The following PRELID2 variants were observed in gnomAD, a reference collection of about 807,000 sequenced individuals.
PRELID2 encodes the protein PRELI domain containing 2.
In PRELID2, 25 loss-of-function variants were observed where a neutral mutation model predicts 28.4. That is an observed-to-expected ratio of 0.88 (90% CI 0.64 to 1.23). The LOEUF is 1.23. Ranked by LOEUF, PRELID2 falls within the 50% of genes most tolerant of loss-of-function variation. The probability of loss-of-function intolerance (pLI) is 0.00; values close to 1 mark genes in which losing one functional copy is unlikely to be tolerated. For synonymous variants in PRELID2, 76 were observed against 71.6 expected, an observed-to-expected ratio of 1.06 and a Z score of -0.31; for missense variants, 201 against 214.4, an observed-to-expected ratio of 0.94 and a Z score of 0.39.
the PRELID2 span, among the ~76,000 whole-genome samples, chr5:145,392,689 G>A: frequency 1.3e-5 from 2 of 151,876 alleles, no homozygotes; most frequent in Non-Finnish European, 2.9e-5. Flanking sequence ...AAGAGAGAGG[G>A]AGGAGAGAGA....
the PRELID2 span, among the ~76,000 whole-genome samples, chr5:145,311,537 T>G: frequency 6.6e-6 from 1 of 152,184 alleles, no homozygotes; most frequent in Admixed American, 6.5e-5. Flanking sequence ...ACTCAGGGCA[T>G]GGCCTTGATT....
At chr5:145,238,739 C>A in the PRELID2 span, among the ~76,000 whole-genome samples, 1 of 151,924 alleles carries the variant, frequency 6.6e-6, no homozygotes, top group East Asian at 1.9e-4. Context: ...TATAAATGAA[C>A]CTCATATTAC....
chr5:145,229,644 A>G, the PRELID2 span: 3 of 895,632 alleles, frequency 3.3e-6, no homozygotes, highest in Non-Finnish European at 5.5e-6. Context: ...TCACCAGACA[A>G]AGGCCCAAGG....
intron 1 of PRELID2, among the ~76,000 whole-genome samples, chr5:145,828,512 T>TA (rs149801375): frequency 1.1e-3 from 168 of 152,322 alleles, no homozygotes; most frequent in African/African-American, 3.9e-3. Context: ...GCTCGTGCTT[T>TA]ACCAGTTCGG....
intron 1 of PRELID2, among the ~76,000 whole-genome samples, chr5:145,515,791 C>T (rs1023127318): frequency 2.6e-5 from 4 of 152,134 alleles, no homozygotes; most frequent in African/African-American, 9.7e-5. Context: ...GCTTATCCAC[C>T]ACGATCAAGT....
At chr5:145,787,266 C>T (rs1752056434) in intron 5 of PRELID2, among the ~76,000 whole-genome samples, 1 of 152,208 alleles carries the variant, frequency 6.6e-6, no homozygotes, top group South Asian at 2.1e-4. Context: ...AGAATGCTTG[C>T]ATAACAAGAC....
downstream of PRELID2, among the ~76,000 whole-genome samples, chr5:145,467,912 T>TCA (rs1351720358): frequency 6.6e-6 from 1 of 151,552 alleles, no homozygotes; most frequent in African/African-American, 2.4e-5. Context: ...GTTTTGTTTT[T>TCA]TATATATATA....
rs1295747273 is a variant in PRELID2 at position 145,756,773 on chromosome 5, A to G, written c.*3763T>C. ...AATCCTCTCTACTCTTATTCAACAT[A>G]TAGTATGCAGTTACACAATTTCCCA... On this transcript the variant is annotated 3_prime_UTR_variant, in exon 7 of 7. Coordinates refer to ENST00000683046, the MANE Select transcript of PRELID2 (RefSeq NM_205846.3). 6.6e-6 allele frequency among the ~76,000 whole-genome samples: 1 copy of G among 152,152 alleles called. No homozygotes were observed. The highest frequency in any genetic ancestry group is 6.6e-5 in the Admixed American group (1 of 15,266).
intron 2 of PRELID2, 93 bp from the exon 3 acceptor site, chr5:145,820,111 T>G: frequency 5.1e-6 from 3 of 584,178 alleles, no homozygotes; most frequent in Non-Finnish European, 8.4e-6. Flanking sequence ...GTTTTTTTGT[T>G]TTTTGTTTTT....
chr5:145,463,070 A>C, the PRELID2 span, among the ~76,000 whole-genome samples: 1 of 152,278 alleles, frequency 6.6e-6, no homozygotes, highest in Non-Finnish European at 1.5e-5. Context: ...TTGAAAAATG[A>C]AACTGAACAT....
At chr5:145,667,207 C>T (rs1318718299) in intron 1 of PRELID2, among the ~76,000 whole-genome samples, 2 of 151,928 alleles carry the variant, frequency 1.3e-5, no homozygotes, top group Admixed American at 1.3e-4. Flanking sequence ...GGTTATAATA[C>T]CTTTAGTGGA....
rs1561643788 is a variant in PRELID2 at position 145,817,210 on chromosome 5, A to ATATAT, written c.368+683_368+684insATATA. Among the ~76,000 whole-genome samples, 155 of 67,824 alleles carry ATATAT rather than the reference A, an allele frequency of 2.3e-3. 3 individuals are homozygous for ATATAT. The highest frequency in any genetic ancestry group is 5.9e-3 in the African/African-American group (151 of 25,618). 44.5% of individuals were successfully genotyped at this position (67,824 alleles called of 152,430 possible). On this transcript the variant is annotated intron_variant, in intron 4 of 6. Transcript: ENST00000683046. The stretch of plus-strand genomic sequence containing the variant: ...CATTTCAAAAAAAAATAAATAAATA[A>ATATAT]ATAAAAAAAAATATATATATATATA...
the PRELID2 span, among the ~76,000 whole-genome samples, chr5:145,376,625 C>T: frequency 6.6e-6 from 1 of 152,090 alleles, no homozygotes; most frequent in African/African-American, 2.4e-5. Flanking sequence ...TCTTAAGAGG[C>T]TGTATGAATC....
intron 1 of PRELID2, among the ~76,000 whole-genome samples, chr5:145,588,728 G>A (rs10036555): frequency 7.2e-5 from 11 of 151,736 alleles, no homozygotes; most frequent in African/African-American, 1.2e-4. Context: ...AATCTGAGAC[G>A]CCTGGATTCT....
intron 1 of PRELID2, among the ~76,000 whole-genome samples, chr5:145,827,925 T>C (rs764802718): frequency 2.6e-5 from 4 of 152,186 alleles, no homozygotes; most frequent in Non-Finnish European, 5.9e-5. Context: ...TTAATAGCAT[T>C]GTATCAGTGT....
At chr5:145,423,385 G>T in the PRELID2 span, among the ~76,000 whole-genome samples, 171 of 152,178 alleles carry the variant, frequency 1.1e-3, no homozygotes, top group African/African-American at 3.9e-3. Flanking sequence ...ATCAGGCATA[G>T]ATTTGGTCTT....
At chr5:145,265,119 AAATT>A in the PRELID2 span, among the ~76,000 whole-genome samples, 1 of 152,114 alleles carries the variant, frequency 6.6e-6, no homozygotes, top group African/African-American at 2.4e-5. Context: ...TCAAGATACA[AAATT>A]AATGTATAAA....
chr5:145,324,799 C>T, the PRELID2 span, among the ~76,000 whole-genome samples: 1 of 152,054 alleles, frequency 6.6e-6, no homozygotes, highest in African/African-American at 2.4e-5. Flanking sequence ...GATAAGGAAA[C>T]TTATGCCTAG....
intron 1 of PRELID2, among the ~76,000 whole-genome samples, chr5:145,656,764 AG>A (rs1164373242): frequency 1.1e-5 from 1 of 90,332 alleles, no homozygotes; most frequent in Non-Finnish European, 2.2e-5. Context: ...GGGTGGGGGG[AG>A]GGGGGAGGGA....
Sources: allele counts gnomAD v4.1 joint callset (sites outside exome capture counted in the v4.1 genomes callset), GRCh38; gene constraint gnomAD v4.1.1; transcripts MANE v1.5; gene names NCBI Gene and HGNC (gene_info 2026-07-23, HGNC 2026-07-21).